Variants in NAXE observed in about 807,000 individuals in gnomAD.
NAXE encodes the protein NAD(P)H-hydrate epimerase.
NAXE carries 25 observed loss-of-function variants against 31.2 expected under a neutral mutation model. The ratio of observed to expected loss-of-function variants is 0.80; its 90% CI spans 0.58 to 1.12. The LOEUF (loss-of-function observed/expected upper bound fraction) is 1.12, where lower values mean the gene tolerates loss of function less well. Ranked by LOEUF, NAXE falls within the 50% of genes most tolerant of loss-of-function variation. The probability of loss-of-function intolerance (pLI) is 0.00; values close to 1 mark genes in which losing one functional copy is unlikely to be tolerated. For synonymous variants in NAXE, 144 were observed against 154.5 expected (o/e 0.93, Z 0.50); for missense variants, 362 against 376.1 (o/e 0.96, Z 0.31).
rs1320111528 is a variant in NAXE at position 156,592,492 on chromosome 1, G to A, written c.402+17G>A. ...AAACTCTTTGTGAGTATGTGGGGAG[G>A]GGCTGTGGGGGAGGAGGGCGTGAGG... On this transcript the variant is annotated intron_variant, in intron 3 of 5. Coordinates refer to ENST00000368235, the MANE Select transcript of NAXE (RefSeq NM_144772.3). 2 of 1,613,658 alleles carry A rather than the reference G, an allele frequency of 1.2e-6. No individual in the cohort carries two copies. The highest frequency in any genetic ancestry group is 4.5e-5 in the East Asian group (2 of 44,880).
intron 3 of NAXE, 34 bp downstream of exon 3, chr1:156,592,509 G>A: frequency 6.2e-7 from 1 of 1,613,292 alleles, no homozygotes; most frequent in Non-Finnish European, 8.5e-7. Flanking sequence ...GGGGGAGGAG[G>A]GCGTGAGGGC....
chr1:156,593,536 C>T lies in NAXE; in HGVS notation c.645C>T (p.Ala215=), dbSNP rs750075648. The change falls in exon 5 of 6, where the codon GCC becomes GCT. Residue 215 remains alanine, a synonymous_variant. Coordinates refer to ENST00000368235, the MANE Select transcript of NAXE (RefSeq NM_144772.3). ...SVLKGLTVPI[A]SIDIPSGWDV... ...TGAAGGGACTCACTGTGCCCATTGC[C>T]AGCATCGACATTCCCTCAGGTGCTG... The T allele has an allele frequency of 2.5e-5, 40 of 1,614,086 alleles. No homozygotes were observed. Among genetic ancestry groups the T allele is most frequent in the Non-Finnish European group, 8.5e-6 (10 of 1,180,044 alleles).
intron 5 of NAXE, 60 bp downstream of exon 5, chr1:156,593,615 C>G (rs1185839327): frequency 6.2e-7 from 1 of 1,604,784 alleles, no homozygotes; most frequent in Non-Finnish European, 8.5e-7. Flanking sequence ...TGACTCTTGC[C>G]CACACCAGGT....
At chr1:156,593,103 C>T in intron 4 of NAXE, 1 of 435,182 alleles carries the variant, frequency 2.3e-6, no homozygotes, top group Non-Finnish European at 4.1e-6. Context: ...CTTAAAGTCA[C>T]TAAATTGTAT....
In NAXE at chr1:156,591,779, CCGGGG is replaced by C. The variant is rs1247665469; in HGVS notation, c.-25_-21del. The C allele has an allele frequency of 8.1e-6, 12 of 1,479,262 alleles. No individual in the cohort carries two copies. In the Admixed American group the frequency reaches 1.1e-4, roughly 14 times the overall value. 91.6% of individuals were successfully genotyped at this position (1,479,262 alleles called of 1,614,324 possible). The stretch of plus-strand genomic sequence containing the variant: ...GCACATGCGCCGGGGCCGGGCCGGG[CCGGGG>C]GCGCGCGCTCTGCGAGCTGGATGTC... On this transcript the variant is annotated 5_prime_UTR_variant, in exon 1 of 6. Coordinates refer to ENST00000368235, the MANE Select transcript of NAXE (RefSeq NM_144772.3).
At position 156,591,998 on chromosome 1, in the gene NAXE, T is replaced by A; in HGVS notation, c.182+12T>A. On this transcript the variant is annotated intron_variant, in intron 1 of 5. Coordinates refer to ENST00000368235, the MANE Select transcript of NAXE (RefSeq NM_144772.3). ...GTGAAGTACCTGAGGTAGGCACGGG[T>A]CTCGGGTGGCCTGCTCTGCCCCGGG... 6.2e-7 allele frequency: 1 copy of A among 1,613,136 alleles called. No homozygotes were observed. Among genetic ancestry groups the A allele is most frequent in the Non-Finnish European group, 8.5e-7 (1 of 1,179,706 alleles).
intron 4 of NAXE, chr1:156,593,077 G>C (rs1677382856): frequency 2.4e-6 from 1 of 410,034 alleles, no homozygotes; most frequent in African/African-American, 2.0e-5. Context: ...ATACTGAGGT[G>C]CAGAGAAGTG....
At position 156,591,912 on chromosome 1, in the gene NAXE, G is replaced by T. The variant is rs764558323; in HGVS notation, c.108G>T (p.Trp36Cys). Residue 36 changes from tryptophan (W) to cysteine (C), a missense_variant, in exon 1 of 6, where the codon TGG becomes TGT. Transcript: ENST00000368235. ...TIACRSGPTW[W>C]GPQRLNSGGR... ...CCTGTCGCTCGGGACCCACCTGGTG[G>T]GGACCGCAGCGGCTGAACTCGGGTG... The T allele has an allele frequency of 1.9e-5, 30 of 1,612,504 alleles. No homozygotes were observed. The Middle Eastern group carries it at 4.9e-4, about 27-fold the overall frequency.
chr1:156,594,147 A>G lies in NAXE; in HGVS notation c.*63A>G. The G allele has an allele frequency of 6.4e-7, 1 of 1,553,916 alleles. No homozygotes were observed. The highest frequency in any genetic ancestry group is 8.8e-7 in the Non-Finnish European group (1 of 1,131,492). Reference sequence around the variant, plus strand: ...GAGCCCCTCTCTTCCAGAACTGTGGATTCCTGGGAGCTCCTCTGGCAATAA... The same window carrying G: ...GAGCCCCTCTCTTCCAGAACTGTGGGTTCCTGGGAGCTCCTCTGGCAATAA... On this transcript the variant is annotated 3_prime_UTR_variant, in exon 6 of 6. Coordinates refer to ENST00000368235, the MANE Select transcript of NAXE (RefSeq NM_144772.3).
rs761947334 is a variant in NAXE at position 156,592,096 on chromosome 1, C to T, written c.183-5C>T. On this transcript the variant is annotated splice_region_variant and splice_polypyrimidine_tract_variant and intron_variant, in intron 1 of 5. Coordinates refer to ENST00000368235, the MANE Select transcript of NAXE (RefSeq NM_144772.3). ...GGCGGGACTCAGGCCGCGGGTTTTC[C>T]TCAGCCAGGAGGAGGCCCAGGCCGT... 3 of 1,614,254 alleles carry T rather than the reference C, an allele frequency of 1.9e-6. 1 individual carries two copies. In the South Asian group the frequency reaches 3.3e-5, roughly 18 times the overall value.
intron 1 of NAXE, 33 bp from the exon 2 acceptor site, chr1:156,592,068 A>C (rs749090903): frequency 8.7e-6 from 14 of 1,613,904 alleles, no homozygotes; most frequent in Non-Finnish European, 1.1e-5. Flanking sequence ...AGAGAACACG[A>C]GGGGCGGGAC....
chr1:156,591,801 C>G lies in NAXE; in HGVS notation c.-4C>G, dbSNP rs1438421857. The G allele has an allele frequency of 7.6e-6, 12 of 1,575,996 alleles. No individual in the cohort carries two copies. The highest frequency in any genetic ancestry group is 9.4e-6 in the Non-Finnish European group (11 of 1,168,152). On this transcript the variant is annotated 5_prime_UTR_variant, in exon 1 of 6. Coordinates refer to ENST00000368235, the MANE Select transcript of NAXE (RefSeq NM_144772.3). ...GGGCCGGGGGCGCGCGCTCTGCGAG[C>G]TGGATGTCCAGGCTGCGGGCGCTGC...
intron 4 of NAXE, 41 bp from the exon 5 acceptor site, chr1:156,593,367 G>A (rs778476088): frequency 2.5e-6 from 4 of 1,591,914 alleles, no homozygotes; most frequent in Non-Finnish European, 2.6e-6. Context: ...GGCTGTTTGT[G>A]CAGCTGCTGG....
At chr1:156,592,011 G>T (rs750794930) in intron 1 of NAXE, 25 bp downstream of exon 1, 2 of 1,613,516 alleles carry the variant, frequency 1.2e-6, no homozygotes, top group East Asian at 2.2e-5. Flanking sequence ...CGGGTGGCCT[G>T]CTCTGCCCCG....
rs942963 is a variant in NAXE, at chr1:156,594,060, C to T, written c.843C>T (p.Thr281=). ...YQLNLPPYPD[T]ECVYRLQ is the part of the protein sequence containing the mutation. ...TGAACCTGCCACCCTACCCTGACAC[C>T]GAGTGTGTCTATCGTCTGCAGTGAG... The change falls in exon 6 of 6, where the codon ACC becomes ACT. Residue 281 remains threonine, a synonymous_variant. Transcript: ENST00000368235. 1,554,462 of 1,613,940 alleles carry T rather than the reference C, an allele frequency of 0.96. 749,266 individuals are homozygous for T. Among genetic ancestry groups the T allele is most frequent in the East Asian group, 0.98 (43,910 of 44,878 alleles).
At chr1:156,593,646 A>G (rs1677407550) in intron 5 of NAXE, 91 bp downstream of exon 5, 1 of 1,554,126 alleles carries the variant, frequency 6.4e-7, no homozygotes, top group African/African-American at 1.4e-5. Context: ...TTTAGTCTAG[A>G]GGGGCAGAAC....
intron 4 of NAXE, chr1:156,593,189 T>A (rs942961): frequency 1.8e-6 from 1 of 543,240 alleles, no homozygotes. Flanking sequence ...TCCCCAGTGG[T>A]GGGCAGGCAG....
chr1:156,592,814 C>A, intron 4 of NAXE, 144 bp downstream of exon 4: 1 of 689,854 alleles, frequency 1.4e-6, no homozygotes, highest in Non-Finnish European at 2.4e-6. Flanking sequence ...TGTGCAAGAG[C>A]CTTCTCCTCC....
Position 156,593,637 on chromosome 1 carries a change from TTA to T in NAXE, c.664+83_664+84del, listed in dbSNP as rs752817126. On this transcript the variant is annotated intron_variant, in intron 5 of 5. Coordinates refer to ENST00000368235, the MANE Select transcript of NAXE (RefSeq NM_144772.3). ...TGCCCACACCAGGTCTAAAATAATT[TTA>T]GTCTAGAGGGGCAGAACACAGCTTT... 4 of 1,577,996 alleles carry T rather than the reference TTA, an allele frequency of 2.5e-6. No homozygotes were observed. The East Asian group carries it at 9.0e-5, about 36-fold the overall frequency.
Sources: gnomAD v4.1 joint callset for allele counts on GRCh38, gnomAD v4.1.1 for gene constraint, MANE v1.5 for transcripts, NCBI Gene and HGNC (gene_info 2026-07-23, HGNC 2026-07-21) for gene names.